Variants in YTHDF2 observed in about 807,000 individuals in gnomAD.
YTHDF2 encodes the protein YTH N6-methyladenosine RNA binding protein F2, also known as YTH domain-containing family protein 2.
A neutral mutation model predicts 50.4 loss-of-function variants in YTHDF2; 2 were observed. The observed-to-expected ratio is 0.04, with a 90% CI of 0.02 to 0.12. YTHDF2 has a LOEUF of 0.12. YTHDF2 is among the 10% of genes least tolerant of loss of function. The pLI, the probability that YTHDF2 is intolerant of heterozygous loss-of-function variation, is 1.00. For synonymous variants in YTHDF2, 217 were observed against 255.6 expected, an observed-to-expected ratio of 0.85 and a Z score of 1.44; for missense variants, 483 against 722.6, an observed-to-expected ratio of 0.67 and a Z score of 3.80.
rs764095704 is a variant in YTHDF2 at position 28,743,215 on chromosome 1, A to G, written c.945A>G (p.Pro315=). 7 of 1,614,142 alleles carry G rather than the reference A, an allele frequency of 4.3e-6. No individual in the cohort carries two copies. Among genetic ancestry groups the G allele is most frequent in the East Asian group, 2.2e-5 (1 of 44,890 alleles). The change falls in exon 4 of 5, where the codon CCA becomes CCG. Residue 315 remains proline, a synonymous_variant. Transcript: ENST00000373812. The surrounding 1 kb of genome is among the most constrained non-coding windows in gnomAD (Gnocchi z 6.9). ...TAGGTCAGCAGGCTAACAATAGCCC[A>G]CCAGTGGCTCAGGCATCAGTAGGGC... ...QPVGQQANNS[P]PVAQASVGQQ...
chr1:28,749,981 AG>A (rs2087924747), intron 4 of YTHDF2, among the ~76,000 whole-genome samples: 1 of 121,634 alleles, frequency 8.2e-6, no homozygotes, highest in South Asian at 2.7e-4. Context: ...TTGAAAAAAA[AG>A]GTTGTTTTTT....
intron 4 of YTHDF2, among the ~76,000 whole-genome samples, chr1:28,763,676 C>T (rs904693707): frequency 2.0e-5 from 3 of 151,354 alleles, no homozygotes; most frequent in African/African-American, 7.3e-5. Flanking sequence ...AGGATGGTCT[C>T]GATCTCCTGA....
At chr1:28,757,920 A>G (rs1342492961) in intron 4 of YTHDF2, among the ~76,000 whole-genome samples, 1 of 152,112 alleles carries the variant, frequency 6.6e-6, no homozygotes, top group Non-Finnish European at 1.5e-5. Flanking sequence ...GATATCTATA[A>G]GGCGCTTGTC....
At chr1:28,755,702 A>G (rs969828994) in intron 4 of YTHDF2, among the ~76,000 whole-genome samples, 2 of 152,228 alleles carry the variant, frequency 1.3e-5, no homozygotes, top group African/African-American at 4.8e-5. Context: ...AAAGAGAACA[A>G]GGAAGGGGCT....
intron 4 of YTHDF2, among the ~76,000 whole-genome samples, chr1:28,753,356 TCCAAAAAAAAAAAAAAAAAAAAA>T (rs1297290212): frequency 4.2e-4 from 18 of 42,560 alleles, no homozygotes; most frequent in Admixed American, 1.4e-3. Flanking sequence ...ATCCTGCCTC[TCCAAAAAAAAAAAAAAAAAAAAA>T]AAAAAAAAAA....
chr1:28,743,621 G>C lies in YTHDF2; in HGVS notation c.1351G>C (p.Gly451Arg). 1.2e-6 allele frequency: 2 copies of C among 1,614,160 alleles called. No homozygotes were observed. Among genetic ancestry groups the C allele is most frequent in the Non-Finnish European group, 1.7e-6 (2 of 1,180,018 alleles). ...GGATGCTGCTTATCGTTCCATGAACGGGAAAGGCCCCGTTTACTTACTTTT... is the reference window on the plus strand; with the variant it reads ...GGATGCTGCTTATCGTTCCATGAACCGGAAAGGCCCCGTTTACTTACTTTT... ...RLDAAYRSMN[G>R]KGPVYLLFSV... The change falls in exon 4 of 5, where the codon GGG (glycine) becomes CGG (arginine). Residue 451 changes from glycine to arginine, a missense_variant. This residue lies in a region of YTHDF2 where 59 missense variants were observed against 168.9 expected (regional missense o/e 0.35). Coordinates refer to ENST00000373812, the MANE Select transcript of YTHDF2 (RefSeq NM_016258.3). The surrounding 1 kb of genome is among the most constrained non-coding windows in gnomAD (Gnocchi z 6.9).
Position 28,740,779 on chromosome 1 carries a change from C to G in YTHDF2, c.133-1624C>G, listed in dbSNP as rs544983917. ...AGTGCAGTGGTGCGATCTCGGCTCA[C>G]TGCAACCTTCACCTCCTGGGTTCAC... is the stretch of plus-strand genomic sequence containing the variant. On this transcript the variant is annotated intron_variant, in intron 3 of 4. Transcript: ENST00000373812. 1.6e-4 allele frequency among the ~76,000 whole-genome samples: 24 copies of G among 150,466 alleles called. No homozygotes were observed. The East Asian group carries it at 4.6e-3, about 29-fold the overall frequency.
intron 4 of YTHDF2, among the ~76,000 whole-genome samples, chr1:28,767,937 T>C (rs770241548): frequency 1.4e-4 from 20 of 147,274 alleles, no homozygotes; most frequent in Non-Finnish European, 2.7e-4. Flanking sequence ...GCGCGGTGGC[T>C]CACGCCTCTA....
At chr1:28,756,787 TTGCC>T (rs147570839) in intron 4 of YTHDF2, among the ~76,000 whole-genome samples, 18 of 151,890 alleles carry the variant, frequency 1.2e-4, no homozygotes, top group Non-Finnish European at 1.6e-4. Context: ...AGCATTGGCT[TTGCC>T]TGCCTGCCTG....
intron 4 of YTHDF2, among the ~76,000 whole-genome samples, chr1:28,764,076 A>G (rs1327134639): frequency 6.6e-6 from 1 of 150,616 alleles, no homozygotes; most frequent in Non-Finnish European, 1.5e-5. Context: ...CAGCCTTCCT[A>G]GTAGCTGGGA....
At chr1:28,754,023 A>G (rs1195408018) in intron 4 of YTHDF2, among the ~76,000 whole-genome samples, 1 of 151,976 alleles carries the variant, frequency 6.6e-6, no homozygotes, top group East Asian at 1.9e-4. Context: ...TTTATTCTTT[A>G]CCTGTGTTTT....
At chr1:28,765,053 T>C (rs1259670517) in intron 4 of YTHDF2, among the ~76,000 whole-genome samples, 2 of 152,110 alleles carry the variant, frequency 1.3e-5, no homozygotes, top group African/African-American at 2.4e-5. Context: ...TTTAAATTTA[T>C]CTTCACCTGT....
chr1:28,764,249 C>T (rs968334026), intron 4 of YTHDF2, among the ~76,000 whole-genome samples: 1 of 145,804 alleles, frequency 6.9e-6, no homozygotes, highest in African/African-American at 2.5e-5. Context: ...CTGTGCCCGG[C>T]CCAATTTTTT....
At chr1:28,738,476 G>T (rs2087728969) in intron 3 of YTHDF2, 138 bp downstream of exon 3, 3 of 792,736 alleles carry the variant, frequency 3.8e-6, no homozygotes, top group East Asian at 2.7e-5. Context: ...ACTGAGTCTC[G>T]CTCTGACGCC....
chr1:28,742,673 G>A lies in YTHDF2; in HGVS notation c.403G>A (p.Gly135Arg), dbSNP rs2087794639. ...CAGTGGGATTGACTTCTCAGCATGG[G>A]GAAATAACAGTTCTCAGGGACAGTC... is the stretch of plus-strand genomic sequence containing the variant. ...FPSGIDFSAW[G>R]NNSSQGQSTQ... Residue 135 changes from glycine to arginine, a missense_variant, in exon 4 of 5, where the codon GGA (glycine) becomes AGA (arginine). This residue lies in a region of YTHDF2 where 385 missense variants were observed against 475.8 expected (regional missense o/e 0.81). Coordinates refer to ENST00000373812, the MANE Select transcript of YTHDF2 (RefSeq NM_016258.3). The A allele has an allele frequency of 1.2e-6, 2 of 1,613,918 alleles. No homozygotes were observed. Among genetic ancestry groups the A allele is most frequent in the African/African-American group, 2.7e-5 (2 of 74,882 alleles).
At chr1:28,766,160 A>G (rs957663802) in intron 4 of YTHDF2, among the ~76,000 whole-genome samples, 4 of 152,204 alleles carry the variant, frequency 2.6e-5, no homozygotes, top group African/African-American at 9.7e-5. Flanking sequence ...GCCAGAGTGC[A>G]GTGGCACGAT....
intron 4 of YTHDF2, among the ~76,000 whole-genome samples, chr1:28,761,131 ATTTTTTT>A (rs56876999): frequency 5.5e-5 from 5 of 91,444 alleles, no homozygotes; most frequent in Non-Finnish European, 8.0e-5. Flanking sequence ...GTGTGTGTGT[ATTTTTTT>A]TTTTTTTTTT....
intron 4 of YTHDF2, among the ~76,000 whole-genome samples, chr1:28,746,357 G>C (rs905097502): frequency 2.6e-5 from 4 of 152,172 alleles, no homozygotes; most frequent in African/African-American, 9.6e-5. Context: ...AGATAGACTT[G>C]TATGTGTTAG....
At chr1:28,761,131 A>ATTTTTTTTTTTT (rs56876999) in intron 4 of YTHDF2, among the ~76,000 whole-genome samples, 1 of 91,444 alleles carries the variant, frequency 1.1e-5, no homozygotes, top group Non-Finnish European at 2.0e-5. Context: ...GTGTGTGTGT[A>ATTTTTTTTTTTT]TTTTTTTTTT....
Sources: allele counts gnomAD v4.1 joint callset (sites outside exome capture counted in the v4.1 genomes callset), GRCh38; gene constraint gnomAD v4.1.1; regional missense constraint gnomAD v4.1.1; non-coding constraint Gnocchi (gnomAD v3.1); transcripts MANE v1.5; gene names NCBI Gene and HGNC (gene_info 2026-07-23, HGNC 2026-07-21).